The following SETD1B variants were observed in gnomAD, a reference collection of about 807,000 sequenced individuals.
The protein encoded by SETD1B is histone-lysine N-methyltransferase SETD1B.
A neutral mutation model predicts 148.0 loss-of-function variants in SETD1B; 7 were observed. The observed-to-expected ratio is 0.05, with a 90% CI of 0.03 to 0.09. The LOEUF is 0.09. SETD1B is among the 10% of genes least tolerant of loss of function. The probability of loss-of-function intolerance (pLI) is 1.00; values close to 1 mark genes in which losing one functional copy is unlikely to be tolerated. For missense variants in SETD1B, 2,155 were observed against 2,729.9 expected, an observed-to-expected ratio of 0.79 and a Z score of 4.69; for synonymous variants, 1,361 against 1,186.5, an observed-to-expected ratio of 1.15 and a Z score of -3.02.
At chr12:121,824,205 T>C (rs925226078) in intron 12 of SETD1B, among the ~76,000 whole-genome samples, 10 of 152,214 alleles carry the variant, frequency 6.6e-5, no homozygotes, top group African/African-American at 2.2e-4. Context: ...AGTTGAGATT[T>C]GAACCCAGGC....
Position 121,822,593 on chromosome 12 carries a change from G to A in SETD1B, c.4014G>A (p.Pro1338=), listed in dbSNP as rs1289422212. The change falls in exon 12 of 17, where the codon CCG becomes CCA. Residue 1338 remains proline, a synonymous_variant. Coordinates refer to ENST00000604567, the MANE Select transcript of SETD1B (RefSeq NM_001353345.2). The part of the protein sequence containing the change: ...PRPPRPPSPP[P]EPETTDASHP... ...CACCCCGGCCACCCAGCCCACCGCC[G>A]GAGCCTGAGACCACAGATGCCTCAC... 19 of 1,549,394 alleles carry A rather than the reference G, an allele frequency of 1.2e-5. No individual in the cohort carries two copies. The East Asian group carries it at 2.0e-4, about 16-fold the overall frequency.
intron 16 of SETD1B, among the ~76,000 whole-genome samples, chr12:121,828,786 C>T (rs1377839213): frequency 6.6e-6 from 1 of 152,234 alleles, no homozygotes; most frequent in African/African-American, 2.4e-5. Context: ...GTCTGTAAAA[C>T]AGAGACAATA....
chr12:121,791,819 G>C, the SETD1B span, among the ~76,000 whole-genome samples: 48 of 152,248 alleles, frequency 3.2e-4, no homozygotes, highest in African/African-American at 1.1e-3. Context: ...AGGGCAGTGG[G>C]TTGCTGTGAA....
At position 121,810,747 on chromosome 12, in the gene SETD1B, C is replaced by G. The variant is rs905132009; in HGVS notation, c.1802C>G (p.Pro601Arg). 9 of 1,550,654 alleles carry G rather than the reference C, an allele frequency of 5.8e-6. No homozygotes were observed. The highest frequency in any genetic ancestry group is 1.2e-5 in the South Asian group (1 of 83,960). The change falls in exon 6 of 17, where the codon CCG becomes CGG. Residue 601 changes from proline (P) to arginine (R), a missense_variant. Around this residue, in one of 11 missense-constraint regions of SETD1B, gnomAD observed 295 missense variants for 303.8 expected, o/e 0.97. Transcript: ENST00000604567. The surrounding 1 kb of genome is among the most constrained non-coding windows in gnomAD (Gnocchi z 7.6). ...GPRPPPEPGP[P>R]DPAGLLSQTA... Reference sequence around the variant, plus strand: ...CGGCCTCCACCTGAGCCAGGCCCCCCGGACCCTGCTGGGCTTCTGAGCCAG... The same window carrying G: ...CGGCCTCCACCTGAGCCAGGCCCCCGGGACCCTGCTGGGCTTCTGAGCCAG...
At chr12:121,816,566 C>T (rs764345973) in intron 7 of SETD1B, among the ~76,000 whole-genome samples, 1 of 152,212 alleles carries the variant, frequency 6.6e-6, no homozygotes, top group African/African-American at 2.4e-5. Context: ...TCATGTGGCT[C>T]GTTTTGTTAA....
upstream of SETD1B, chr12:121,803,901 C>T: frequency 6.5e-6 from 1 of 153,840 alleles, no homozygotes; most frequent in South Asian, 1.7e-4. This position sits in a 1 kb window ranked among gnomAD's most constrained non-coding sequence, Gnocchi z 4.7. Context: ...CAGCTGCCGC[C>T]GCCGGGAGAG....
intron 11 of SETD1B, among the ~76,000 whole-genome samples, chr12:121,820,150 G>A (rs1398158712): frequency 6.6e-6 from 1 of 152,242 alleles, no homozygotes; most frequent in Non-Finnish European, 1.5e-5. Flanking sequence ...CGTTTCCCTG[G>A]TGGCTTGGTC....
rs574147144 is a variant in SETD1B at position 121,804,664 on chromosome 12, G to C, written c.-14-60G>C. 319 of 1,451,150 alleles carry C rather than the reference G, an allele frequency of 2.2e-4. 1 individual carries two copies. In the East Asian group the frequency reaches 6.9e-3, roughly 31 times the overall value. 89.9% of individuals were successfully genotyped at this position (1,451,150 alleles called of 1,614,324 possible). ...CTGCCGATTGGATTCTTTCGCGTGT[G>C]TGTAGAAGCGGCCGCCGCCGCCGCC... is the stretch of plus-strand genomic sequence containing the variant. On this transcript the variant is annotated intron_variant, in intron 1 of 16. Coordinates refer to ENST00000604567, the MANE Select transcript of SETD1B (RefSeq NM_001353345.2). The surrounding 1 kb of genome is among the most constrained non-coding windows in gnomAD (Gnocchi z 4.6).
rs368583452 is a variant in SETD1B at position 121,810,433 on chromosome 12, C to G, written c.1488C>G (p.His496Gln). The change falls in exon 6 of 17, where the codon CAC (histidine) becomes CAG (glutamine). Residue 496 changes from histidine (H) to glutamine (Q), a missense_variant. This residue lies in a region of SETD1B where 376 missense variants were observed against 385.0 expected (regional missense o/e 0.98). Coordinates refer to ENST00000604567, the MANE Select transcript of SETD1B (RefSeq NM_001353345.2). The surrounding 1 kb of genome is among the most constrained non-coding windows in gnomAD (Gnocchi z 7.6). ...ESSPAGPEKPHDSLDSRIEML... is the reference protein window; with the variant it reads ...ESSPAGPEKPQDSLDSRIEML... ...CCCCTGCAGGGCCAGAGAAACCCCACGACAGCCTGGACTCGCGCATCGAGA... is the reference window on the plus strand; with the variant it reads ...CCCCTGCAGGGCCAGAGAAACCCCAGGACAGCCTGGACTCGCGCATCGAGA... The G allele has an allele frequency of 1.9e-6, 3 of 1,549,234 alleles. No homozygotes were observed. The highest frequency in any genetic ancestry group is 1.2e-5 in the South Asian group (1 of 84,068).
At chr12:121,793,409 C>T in the SETD1B span, 2 of 1,506,698 alleles carry the variant, frequency 1.3e-6, no homozygotes, top group East Asian at 2.5e-5. Flanking sequence ...TGTCCGTGCT[C>T]GGGACGCTGG....
At chr12:121,815,526 T>C (rs753914840) in intron 7 of SETD1B, among the ~76,000 whole-genome samples, 15 of 152,132 alleles carry the variant, frequency 9.9e-5, no homozygotes, top group Non-Finnish European at 2.1e-4. Flanking sequence ...TTTTGTTTTT[T>C]TGAGACAGGG....
At position 121,819,633 on chromosome 12, in the gene SETD1B, G is replaced by C. The variant is rs1000564729; in HGVS notation, c.3648G>C (p.Ala1216=). ...ACTTTGAGCAGGACGGGGAGGAAGC[G>C]GCTCTGGCCCCGGGGGCACCTGCAG... is the stretch of plus-strand genomic sequence containing the variant. ...PEDFEQDGEE[A]ALAPGAPAVD... is the part of the protein sequence containing the mutation. The change falls in exon 11 of 17, where the codon GCG becomes GCC. Residue 1216 remains alanine (A), a synonymous_variant. Transcript: ENST00000604567. The C allele has an allele frequency of 6.4e-7, 1 of 1,551,792 alleles. No individual in the cohort carries two copies. The highest frequency in any genetic ancestry group is 8.7e-7 in the Non-Finnish European group (1 of 1,147,030).
At chr12:121,797,301 G>A in the SETD1B span, 15 of 384,864 alleles carry the variant, frequency 3.9e-5, no homozygotes, top group Middle Eastern at 7.8e-4. Flanking sequence ...CCTCCTGGCC[G>A]GCCCTTCCGC....
chr12:121,805,075 G>C lies in SETD1B; in HGVS notation c.175-43G>C. Reference sequence around the variant, plus strand: ...AGAAAGGGGTCTGCCCATGGGGAGGGGGACCAGTTCTCTCATCCCGGCCCC... The same window carrying C: ...AGAAAGGGGTCTGCCCATGGGGAGGCGGACCAGTTCTCTCATCCCGGCCCC... On this transcript the variant is annotated intron_variant, in intron 2 of 16. Transcript: ENST00000604567. This position sits in a 1 kb window ranked among gnomAD's most constrained non-coding sequence, Gnocchi z 4.2. 6.5e-7 allele frequency: 1 copy of C among 1,534,388 alleles called. No individual in the cohort carries two copies. Among genetic ancestry groups the C allele is most frequent in the South Asian group, 1.2e-5 (1 of 83,624 alleles).
rs1876923098 is a variant in SETD1B at position 121,828,068 on chromosome 12, A to C, written c.5725A>C (p.Asn1909His). The change falls in exon 16 of 17, where the codon AAC becomes CAC. Residue 1909 changes from asparagine (N) to histidine (H), a missense_variant and splice_region_variant. Asn to His is a moderately conservative substitution (Grantham distance 68). This residue lies in a region of SETD1B where 4 missense variants were observed against 58.1 expected (regional missense o/e 0.07). Transcript: ENST00000604567. ...CGCGCGCTTCATCAACCACAGCTGCAACGTGAGTGCCCAGCGGGGGGTGGC... is the reference window on the plus strand; with the variant it reads ...CGCGCGCTTCATCAACCACAGCTGCCACGTGAGTGCCCAGCGGGGGGTGGC... Reference protein sequence around the residue: ...NFARFINHSCNPNCYAKVITV... With the variant: ...NFARFINHSCHPNCYAKVITV... 1 of 1,552,030 alleles carries C rather than the reference A, an allele frequency of 6.4e-7. No homozygotes were observed. The highest frequency in any genetic ancestry group is 8.7e-7 in the Non-Finnish European group (1 of 1,147,206).
intron 11 of SETD1B, among the ~76,000 whole-genome samples, chr12:121,820,313 A>T (rs1281965577): frequency 1.3e-5 from 2 of 152,182 alleles, no homozygotes; most frequent in Non-Finnish European, 2.9e-5. Context: ...TGCTGCACAG[A>T]GCATATGAGA....
intron 13 of SETD1B, 116 bp from the exon 14 acceptor site, chr12:121,827,403 G>T: frequency 1.5e-6 from 2 of 1,313,188 alleles, no homozygotes; most frequent in Non-Finnish European, 2.0e-6. Flanking sequence ...CGACAGGTGT[G>T]GAGAAGCCCA....
At chr12:121,827,398 G>A (rs532164480) in intron 13 of SETD1B, 121 bp from the exon 14 acceptor site, 5 of 1,252,338 alleles carry the variant, frequency 4.0e-6, no homozygotes, top group South Asian at 1.6e-5. Flanking sequence ...GGGACCGACA[G>A]GTGTGGAGAA....
the SETD1B span, among the ~76,000 whole-genome samples, chr12:121,790,559 C>A: frequency 6.6e-6 from 1 of 152,378 alleles, no homozygotes; most frequent in Non-Finnish European, 1.5e-5. Context: ...GGGACCTGGG[C>A]TCTCCCTGGT....
Sources: allele counts gnomAD v4.1 joint callset (sites outside exome capture counted in the v4.1 genomes callset), GRCh38; gene constraint gnomAD v4.1.1; regional missense constraint gnomAD v4.1.1; non-coding constraint Gnocchi (gnomAD v3.1); transcripts MANE v1.5; gene names NCBI Gene and HGNC (gene_info 2026-07-23, HGNC 2026-07-21).